The following ATP1B1 variants were observed in gnomAD, a reference collection of about 807,000 sequenced individuals.
ATP1B1 encodes sodium/potassium-transporting ATPase subunit beta-1.
Under a neutral mutation model 39.6 loss-of-function variants are expected in ATP1B1, and 3 were observed. The ratio of observed to expected loss-of-function variants is 0.08; its 90% CI spans 0.03 to 0.20. ATP1B1 has a LOEUF of 0.20. Ranked by LOEUF, ATP1B1 falls within the 10% of genes least tolerant of loss-of-function variation. The probability of loss-of-function intolerance (pLI) is 1.00; values close to 1 mark genes in which losing one functional copy is unlikely to be tolerated. For missense variants in ATP1B1, 216 were observed against 371.1 expected (o/e 0.58, Z 3.43); for synonymous variants, 139 against 135.0 (o/e 1.03, Z -0.20).
Position 169,132,220 on chromosome 1 carries a change from G to T in ATP1B1, c.*665G>T, listed in dbSNP as rs1557954726. The stretch of plus-strand genomic sequence containing the variant: ...TGACACTACAGAAAAACACAAAAAG[G>T]TGATGGGTTGTGTTATGCTTGTATT... On this transcript the variant is annotated 3_prime_UTR_variant, in exon 6 of 6. Transcript: ENST00000367815. 2 of 666,554 alleles carry T rather than the reference G, an allele frequency of 3.0e-6. No homozygotes were observed. The allele number at this position is 666,554 out of a possible 1,614,324, so 41.3% of individuals were successfully genotyped here. A position where few individuals can be genotyped will look rare whatever the true frequency, so the allele number is the denominator to read the frequency against.
Position 169,114,482 on chromosome 1 carries a change from A to C in ATP1B1, c.226+2984A>C, listed in dbSNP as rs561002961. ...GTATTGACTGCCCTTTGTACACCGG[A>C]ATACCTTGTAGTTGGATCTCTTCTC... On this transcript the variant is annotated intron_variant, in intron 2 of 5. Coordinates refer to ENST00000367815, the MANE Select transcript of ATP1B1 (RefSeq NM_001677.4). Among the ~76,000 whole-genome samples, 27 of 152,310 alleles carry C rather than the reference A, an allele frequency of 1.8e-4. 1 individual carries two copies. The highest frequency in any genetic ancestry group is 1.8e-3 in the Admixed American group (27 of 15,296).
At chr1:169,127,432 A>G in intron 4 of ATP1B1, 24 bp downstream of exon 4, 1 of 1,590,334 alleles carries the variant, frequency 6.3e-7, no homozygotes, top group South Asian at 1.2e-5. Context: ...TAAATGATAG[A>G]ATTTAGATGA....
chr1:169,107,039 G>A, intron 1 of ATP1B1, 113 bp downstream of exon 1: 1 of 1,020,278 alleles, frequency 9.8e-7, no homozygotes. Flanking sequence ...CCGGGGTGGC[G>A]GGGGCGAGGG....
intron 1 of ATP1B1, chr1:169,110,567 C>A (rs202003480): frequency 5.0e-6 from 2 of 403,644 alleles, no homozygotes; most frequent in African/African-American, 6.0e-5. Context: ...TGTGTTGAGT[C>A]TTTTTTTTTT....
intron 2 of ATP1B1, among the ~76,000 whole-genome samples, chr1:169,120,726 T>C (rs1464993065): frequency 3.3e-5 from 5 of 152,222 alleles, no homozygotes; most frequent in Non-Finnish European, 4.4e-5. Flanking sequence ...GCTTAGATCA[T>C]GAGCTATGCT....
chr1:169,111,627 G>A (rs1657733595), intron 2 of ATP1B1, 129 bp downstream of exon 2: 1 of 1,318,024 alleles, frequency 7.6e-7, no homozygotes. Context: ...AGGGAAAAGA[G>A]AAACTTCTCT....
intron 2 of ATP1B1, among the ~76,000 whole-genome samples, chr1:169,124,085 T>C (rs907859099): frequency 2.0e-5 from 3 of 152,240 alleles, no homozygotes; most frequent in African/African-American, 4.8e-5. Flanking sequence ...TGTGATGGAC[T>C]TTTCCAACCA....
In ATP1B1 at chr1:169,110,732, C is replaced by T. The variant is rs868721346; in HGVS notation, c.98-638C>T. ...CTGGTCATTTTCACTATAGAATTTT[C>T]TTTTTTTCCCCTTGTCTTGTCCTCC... On this transcript the variant is annotated intron_variant, in intron 1 of 5. Coordinates refer to ENST00000367815, the MANE Select transcript of ATP1B1 (RefSeq NM_001677.4). The T allele has an allele frequency of 3.2e-6, 4 of 1,238,920 alleles. No homozygotes were observed. The Middle Eastern group carries it at 8.8e-4, about 271-fold the overall frequency. 76.7% of individuals were successfully genotyped at this position (1,238,920 alleles called of 1,614,324 possible).
At chr1:169,110,810 T>A in intron 1 of ATP1B1, 1 of 620,958 alleles carries the variant, frequency 1.6e-6, no homozygotes. Flanking sequence ...AGAGTGATAG[T>A]AAAAAAAACA....
chr1:169,116,046 C>T (rs374947017), intron 2 of ATP1B1, among the ~76,000 whole-genome samples: 10 of 152,246 alleles, frequency 6.6e-5, no homozygotes, highest in Admixed American at 4.6e-4. Flanking sequence ...GGCACAGGCA[C>T]GCACACCCAC....
chr1:169,119,866 C>G (rs1657937058), intron 2 of ATP1B1, among the ~76,000 whole-genome samples: 1 of 152,048 alleles, frequency 6.6e-6, no homozygotes, highest in Non-Finnish European at 1.5e-5. Context: ...TGCTTTCTAT[C>G]TCTTCTTAAC....
At chr1:169,108,203 A>C (rs1238456795) in intron 1 of ATP1B1, 4 of 152,196 alleles carry the variant, frequency 2.6e-5, no homozygotes, top group African/African-American at 9.7e-5. Flanking sequence ...TGTTACTGGG[A>C]AGCATAGGTA....
At chr1:169,120,603 C>T (rs1405383619) in intron 2 of ATP1B1, among the ~76,000 whole-genome samples, 1 of 152,210 alleles carries the variant, frequency 6.6e-6, no homozygotes, top group African/African-American at 2.4e-5. Context: ...TTATGTTTCA[C>T]CCCTTGCTTT....
At chr1:169,116,287 C>T (rs767646791) in intron 2 of ATP1B1, among the ~76,000 whole-genome samples, 27 of 152,146 alleles carry the variant, frequency 1.8e-4, no homozygotes, top group Non-Finnish European at 2.5e-4. Context: ...TCGGTGGGTC[C>T]GGGAGATTCC....
Position 169,127,327 on chromosome 1 carries a change from A to C in ATP1B1, c.486A>C (p.Leu162Phe). 6.2e-7 allele frequency: 1 copy of C among 1,612,602 alleles called. No homozygotes were observed. Among genetic ancestry groups the C allele is most frequent in the Non-Finnish European group, 8.5e-7 (1 of 1,179,576 alleles). The change falls in exon 4 of 6, where the codon TTA (leucine) becomes TTC (phenylalanine). Residue 162 changes from leucine to phenylalanine, a missense_variant. Leu to Phe is a conservative substitution (Grantham distance 22). Coordinates refer to ENST00000367815, the MANE Select transcript of ATP1B1 (RefSeq NM_001677.4). ...KLEWLGNCSG[L>F]NDETYGYKEG... ...AATGGCTGGGAAATTGCTCTGGATT[A>C]AATGATGAAACTTATGGCTACAAAG...
intron 2 of ATP1B1, among the ~76,000 whole-genome samples, chr1:169,112,121 T>A (rs1657741463): frequency 6.6e-6 from 1 of 152,360 alleles, no homozygotes; most frequent in East Asian, 1.9e-4. Context: ...TTAATAAGCA[T>A]CTCATTTGCC....
chr1:169,128,880 A>C (rs1310905453), intron 4 of ATP1B1, among the ~76,000 whole-genome samples: 1 of 152,122 alleles, frequency 6.6e-6, no homozygotes, highest in African/African-American at 2.4e-5. Context: ...CTTTCTTTTC[A>C]GTCCTTTTTT....
In ATP1B1 at chr1:169,131,556, T is replaced by G. The variant is rs561496578; in HGVS notation, c.*1T>G. 12 of 1,607,262 alleles carry G rather than the reference T, an allele frequency of 7.5e-6. No homozygotes were observed. Among genetic ancestry groups the G allele is most frequent in the Non-Finnish European group, 1.0e-5 (12 of 1,176,470 alleles). ...TGTAAAAATTGAAGTTAAGAGCTGA[T>G]CACAAGCACAAATCTTTCCCACTAG... On this transcript the variant is annotated 3_prime_UTR_variant, in exon 6 of 6. Transcript: ENST00000367815. The surrounding 1 kb of genome is among the most constrained non-coding windows in gnomAD (Gnocchi z 4.4).
At chr1:169,129,913 A>T (rs1297459541) in intron 4 of ATP1B1, 97 bp from the exon 5 acceptor site, 4 of 1,126,760 alleles carry the variant, frequency 3.5e-6, no homozygotes, top group Non-Finnish European at 5.1e-6. Context: ...ACTTACTGTG[A>T]CCAGTGTGTA....
Sources: gnomAD v4.1 joint callset for allele counts (sites outside exome capture counted in the v4.1 genomes callset) on GRCh38, gnomAD v4.1.1 for gene constraint, Gnocchi (gnomAD v3.1) non-coding constraint, MANE v1.5 for transcripts, NCBI Gene and HGNC (gene_info 2026-07-23, HGNC 2026-07-21) for gene names.